The following CAMTA1 variants were observed in gnomAD, a reference collection of about 807,000 sequenced individuals.
CAMTA1 encodes the protein calmodulin-binding transcription activator 1.
In CAMTA1, 27 loss-of-function variants were observed where a neutral mutation model predicts 170.9. That is an observed-to-expected ratio of 0.16 (90% confidence interval 0.12 to 0.22). CAMTA1 has a LOEUF of 0.22. CAMTA1 is among the 10% of genes least tolerant of loss of function. The pLI is 1.00. For missense variants in CAMTA1, 1,619 were observed against 2,217.2 expected, an observed-to-expected ratio of 0.73 and a Z score of 5.42; for synonymous variants, 833 against 891.5, an observed-to-expected ratio of 0.93 and a Z score of 1.17.
chr1:6,944,827 C>T (rs567567818), intron 3 of CAMTA1, among the ~76,000 whole-genome samples: 1 of 152,160 alleles, frequency 6.6e-6, no homozygotes, highest in African/African-American at 2.4e-5. Context: ...AACCATACTT[C>T]GAATTTTGAA....
intron 3 of CAMTA1, among the ~76,000 whole-genome samples, chr1:6,936,364 C>G (rs1338415753): frequency 6.6e-6 from 1 of 152,164 alleles, no homozygotes; most frequent in Non-Finnish European, 1.5e-5. Context: ...AATACAATCA[C>G]TGGTTTAGCA....
At chr1:6,867,554 C>G (rs1667012852) in intron 3 of CAMTA1, among the ~76,000 whole-genome samples, 1 of 152,084 alleles carries the variant, frequency 6.6e-6, no homozygotes, top group Non-Finnish European at 1.5e-5. Context: ...TGCGGGTGAG[C>G]TACAGACATG....
intron 3 of CAMTA1, among the ~76,000 whole-genome samples, chr1:6,848,872 G>A (rs1397497716): frequency 6.6e-6 from 1 of 152,206 alleles, no homozygotes; most frequent in Non-Finnish European, 1.5e-5. Flanking sequence ...GAGGGAGAAA[G>A]GGTACTTCCG....
chr1:7,366,001 G>A (rs985021448), intron 5 of CAMTA1, among the ~76,000 whole-genome samples: 2 of 152,140 alleles, frequency 1.3e-5, no homozygotes, highest in South Asian at 2.1e-4. Flanking sequence ...ATCACATGCC[G>A]AGCCCACTGT....
At chr1:7,707,424 G>A (rs1057162419) in intron 11 of CAMTA1, among the ~76,000 whole-genome samples, 2 of 152,166 alleles carry the variant, frequency 1.3e-5, no homozygotes, top group African/African-American at 4.8e-5. Context: ...CTCCCAGGCT[G>A]GAGTGCAGTG....
At chr1:7,596,570 C>T (rs1423568207) in intron 6 of CAMTA1, among the ~76,000 whole-genome samples, 5 of 152,206 alleles carry the variant, frequency 3.3e-5, no homozygotes, top group African/African-American at 1.2e-4. Context: ...ATGCACAAGG[C>T]CTGCTCCCAC....
intron 5 of CAMTA1, among the ~76,000 whole-genome samples, chr1:7,319,490 G>A (rs910687905): frequency 6.6e-6 from 1 of 152,090 alleles, no homozygotes; most frequent in Non-Finnish European, 1.5e-5. Context: ...GTTCCCTGAG[G>A]CCTCCCCAAA....
At chr1:7,274,657 C>A (rs1670320878) in intron 5 of CAMTA1, among the ~76,000 whole-genome samples, 1 of 152,108 alleles carries the variant, frequency 6.6e-6, no homozygotes, top group Non-Finnish European at 1.5e-5. Flanking sequence ...ACACATAGAA[C>A]ATTTATTAAT....
At chr1:7,340,756 CCATCCATCCATCCATA>C (rs1476553629) in intron 5 of CAMTA1, among the ~76,000 whole-genome samples, 4 of 151,678 alleles carry the variant, frequency 2.6e-5, no homozygotes, top group African/African-American at 9.7e-5. Context: ...ATCCATCCAT[CCATCCATCCATCCATA>C]CACTGTCTCA....
intron 11 of CAMTA1, among the ~76,000 whole-genome samples, chr1:7,704,297 G>A (rs2096479772): frequency 6.9e-6 from 1 of 145,694 alleles, no homozygotes; most frequent in Non-Finnish European, 1.5e-5. Context: ...GCGGGAAGGG[G>A]AACGGGAGGC....
intron 11 of CAMTA1, among the ~76,000 whole-genome samples, chr1:7,726,343 C>T (rs995019500): frequency 3.9e-5 from 6 of 152,188 alleles, no homozygotes; most frequent in African/African-American, 1.4e-4. Context: ...TTCACCTATA[C>T]ACCCCGCAGG....
chr1:7,432,212 C>G (rs954260077), intron 5 of CAMTA1, among the ~76,000 whole-genome samples: 2 of 152,198 alleles, frequency 1.3e-5, no homozygotes, highest in African/African-American at 4.8e-5. Flanking sequence ...TCCGTATTCT[C>G]TTTTAAGCCT....
rs2150393890 is a variant in CAMTA1 at position 7,580,774 on chromosome 1, GT to G, written c.511-59623del. On this transcript the variant is annotated intron_variant, in intron 6 of 22. Coordinates refer to ENST00000303635, the MANE Select transcript of CAMTA1 (RefSeq NM_015215.4). This position sits in a 1 kb window ranked among gnomAD's most constrained non-coding sequence, Gnocchi z 4.3. ...TGGCATTTGACTCTGGCTTTGGAGGGTTTGGTTATCTCCTCCCCAACCAAGA... is the reference window on the plus strand; with the variant it reads ...TGGCATTTGACTCTGGCTTTGGAGGGTTGGTTATCTCCTCCCCAACCAAGA... Among the ~76,000 whole-genome samples the G allele has an allele frequency of 6.6e-6, 1 of 152,222 alleles. No individual in the cohort carries two copies. Among genetic ancestry groups the G allele is most frequent in the East Asian group, 1.9e-4 (1 of 5,142 alleles).
intron 3 of CAMTA1, among the ~76,000 whole-genome samples, chr1:6,846,677 T>C (rs918706523): frequency 7.2e-5 from 11 of 152,204 alleles, no homozygotes; most frequent in African/African-American, 1.2e-4. Flanking sequence ...GAATCATTAG[T>C]ATTACTAAAC....
chr1:6,997,500 C>T (rs1479171249), intron 3 of CAMTA1, among the ~76,000 whole-genome samples: 1 of 152,044 alleles, frequency 6.6e-6, no homozygotes, highest in African/African-American at 2.4e-5. Flanking sequence ...CGGGCAGCCT[C>T]TCAATTTCAG....
At chr1:7,003,170 G>A (rs1233464331) in intron 3 of CAMTA1, among the ~76,000 whole-genome samples, 3 of 152,220 alleles carry the variant, frequency 2.0e-5, no homozygotes, top group Admixed American at 2.0e-4. Context: ...AATGTTTCTA[G>A]GCATTGCCAA....
chr1:7,023,565 A>G (rs1216612081), intron 3 of CAMTA1, among the ~76,000 whole-genome samples: 4 of 152,394 alleles, frequency 2.6e-5, no homozygotes, highest in East Asian at 1.9e-4. Flanking sequence ...AATAAAATCC[A>G]TAAGACTTGA....
intron 4 of CAMTA1, among the ~76,000 whole-genome samples, chr1:7,154,184 T>G (rs1349644876): frequency 1.3e-5 from 2 of 152,180 alleles, no homozygotes; most frequent in African/African-American, 4.8e-5. Context: ...GATGCTGGGA[T>G]CCACCCACTT....
At chr1:7,546,117 G>A (rs972513756) in intron 6 of CAMTA1, among the ~76,000 whole-genome samples, 3 of 152,094 alleles carry the variant, frequency 2.0e-5, no homozygotes, top group South Asian at 2.1e-4. Flanking sequence ...CACCACGCCT[G>A]GCTAAATTTT....
Sources: gnomAD v4.1 joint callset for allele counts (sites outside exome capture counted in the v4.1 genomes callset) on GRCh38, gnomAD v4.1.1 for gene constraint, Gnocchi (gnomAD v3.1) non-coding constraint, MANE v1.5 for transcripts, NCBI Gene and HGNC (gene_info 2026-07-23, HGNC 2026-07-21) for gene names.